Variants in PPP1R1C observed in about 807,000 individuals in gnomAD.
PPP1R1C encodes protein phosphatase 1 regulatory subunit 1C.
Under a neutral mutation model 17.4 loss-of-function variants are expected in PPP1R1C, and 15 were observed. The observed-to-expected ratio is 0.86, with a 90% CI of 0.58 to 1.33. The LOEUF (loss-of-function observed/expected upper bound fraction) is 1.33, where lower values mean the gene tolerates loss of function less well. Ranked by LOEUF, PPP1R1C falls within the 40% of genes most tolerant of loss-of-function variation. The pLI is 0.00. For synonymous variants in PPP1R1C, 35 were observed against 43.1 expected (o/e 0.81, Z 0.73); for missense variants, 143 against 130.0 (o/e 1.10, Z -0.48).
intron 2 of PPP1R1C, among the ~76,000 whole-genome samples, chr2:182,043,651 C>T (rs1025719016): frequency 5.3e-5 from 8 of 150,782 alleles, no homozygotes; most frequent in South Asian, 4.2e-4. Flanking sequence ...AGTATGCTGA[C>T]GTAAGTTGTA....
intron 4 of PPP1R1C, among the ~76,000 whole-genome samples, chr2:182,085,526 A>G (rs1688603976): frequency 6.6e-6 from 1 of 152,124 alleles, no homozygotes; most frequent in Non-Finnish European, 1.5e-5. Context: ...ATGGGTGCCA[A>G]AGATGGTACT....
At chr2:181,988,353 C>T (rs1401413032) in intron 2 of PPP1R1C, among the ~76,000 whole-genome samples, 1 of 152,248 alleles carries the variant, frequency 6.6e-6, no homozygotes, top group Non-Finnish European at 1.5e-5. Context: ...CTGATGACGT[C>T]ATCTCTGAAT....
intron 1 of PPP1R1C, among the ~76,000 whole-genome samples, chr2:181,974,366 T>A (rs573229611): frequency 6.6e-6 from 1 of 152,270 alleles, no homozygotes; most frequent in South Asian, 2.1e-4. Flanking sequence ...AAGGTGCAAA[T>A]GAATTGAACA....
At chr2:182,079,781 T>A (rs547000640) in intron 4 of PPP1R1C, among the ~76,000 whole-genome samples, 49 of 152,288 alleles carry the variant, frequency 3.2e-4, no homozygotes, top group African/African-American at 1.1e-3. Context: ...CTTCCTTGCC[T>A]CTTCCAGTTT....
At chr2:181,979,181 T>G (rs1168055606) in intron 2 of PPP1R1C, among the ~76,000 whole-genome samples, 1 of 152,086 alleles carries the variant, frequency 6.6e-6, no homozygotes, top group Non-Finnish European at 1.5e-5. Context: ...AAGTCTAGAG[T>G]AATTGATTTT....
At chr2:182,088,708 A>C (rs1688700206) in intron 4 of PPP1R1C, among the ~76,000 whole-genome samples, 1 of 152,178 alleles carries the variant, frequency 6.6e-6, no homozygotes, top group Non-Finnish European at 1.5e-5. Flanking sequence ...TATTCCAACT[A>C]CACTGACTAT....
At chr2:182,123,609 A>T (rs1447814970) in intron 5 of PPP1R1C, among the ~76,000 whole-genome samples, 1 of 152,186 alleles carries the variant, frequency 6.6e-6, no homozygotes, top group Non-Finnish European at 1.5e-5. Flanking sequence ...ACCAGTGATG[A>T]TGAGCTTTTT....
intron 2 of PPP1R1C, among the ~76,000 whole-genome samples, chr2:182,027,189 G>T (rs1336660217): frequency 2.2e-4 from 26 of 120,782 alleles, no homozygotes; most frequent in Admixed American, 8.8e-4. Flanking sequence ...TTTCCTAATT[G>T]AATACCCTTT....
intron 1 of PPP1R1C, among the ~76,000 whole-genome samples, chr2:181,964,958 G>A (rs1175218987): frequency 6.6e-6 from 1 of 152,092 alleles, no homozygotes; most frequent in Non-Finnish European, 1.5e-5. Flanking sequence ...CACCCACTTT[G>A]GCCTCCCAAA....
chr2:182,026,597 G>A (rs1039208395), intron 2 of PPP1R1C, among the ~76,000 whole-genome samples: 3 of 151,890 alleles, frequency 2.0e-5, no homozygotes, highest in Admixed American at 1.3e-4. Context: ...GTACCATGCT[G>A]TTTTGGTTAC....
chr2:182,057,657 A>G (rs1687726374), intron 2 of PPP1R1C, among the ~76,000 whole-genome samples: 2 of 152,164 alleles, frequency 1.3e-5, no homozygotes, highest in South Asian at 4.1e-4. Flanking sequence ...TTTTACTTGC[A>G]TCAGCTTTCA....
At chr2:182,097,220 T>G (rs1417151723) in intron 4 of PPP1R1C, among the ~76,000 whole-genome samples, 2 of 152,172 alleles carry the variant, frequency 1.3e-5, no homozygotes, top group Non-Finnish European at 2.9e-5. Context: ...AGGTTTTTCA[T>G]TAGAGTCCTT....
intron 2 of PPP1R1C, among the ~76,000 whole-genome samples, chr2:181,977,454 T>C (rs901334728): frequency 6.6e-6 from 1 of 152,164 alleles, no homozygotes; most frequent in Non-Finnish European, 1.5e-5. Context: ...TTCTACACTT[T>C]TTTCTTATCT....
intron 4 of PPP1R1C, among the ~76,000 whole-genome samples, chr2:182,102,088 T>C (rs1002608926): frequency 1.3e-5 from 2 of 152,230 alleles, no homozygotes; most frequent in African/African-American, 4.8e-5. Flanking sequence ...AATTATGATA[T>C]AATTGAGCTA....
At chr2:182,078,765 G>A (rs1026669790) in intron 4 of PPP1R1C, among the ~76,000 whole-genome samples, 7 of 152,164 alleles carry the variant, frequency 4.6e-5, no homozygotes, top group Non-Finnish European at 8.8e-5. Flanking sequence ...TAACCTCAGA[G>A]AGTCATGTGA....
At chr2:182,120,372 G>GT (rs1157944466), downstream of PPP1R1C, among the ~76,000 whole-genome samples, 5 of 152,052 alleles carry the variant, frequency 3.3e-5, no homozygotes, top group East Asian at 5.8e-4. Context: ...CCAGGAGCTG[G>GT]TTTTTTGAAA....
intron 2 of PPP1R1C, among the ~76,000 whole-genome samples, chr2:182,026,292 T>C (rs1332931954): frequency 0.01 from 1,407 of 134,818 alleles, 10 homozygotes; most frequent in Middle Eastern, 0.022. Context: ...CCCATGCCTA[T>C]GTCCTGAATG....
At chr2:182,094,970 C>T (rs1017140805) in intron 4 of PPP1R1C, among the ~76,000 whole-genome samples, 6 of 152,118 alleles carry the variant, frequency 3.9e-5, no homozygotes, top group Non-Finnish European at 8.8e-5. Context: ...AAAGGTCATT[C>T]GTGGAAGCTC....
Position 182,112,210 on chromosome 2 carries a change from G to A in PPP1R1C, c.242-4997G>A, listed in dbSNP as rs192075334. Among the ~76,000 whole-genome samples, 49 of 152,156 alleles carry A rather than the reference G, an allele frequency of 3.2e-4. No homozygotes were observed. In the East Asian group the frequency reaches 9.5e-3, roughly 29 times the overall value. ...TTATATTTAACACATACTGCTTGAT[G>A]ACTATGTCTCATCTCTACAGACTAG... On this transcript the variant is annotated intron_variant, in intron 4 of 4. Coordinates refer to ENST00000682840, the MANE Select transcript of PPP1R1C (RefSeq NM_001080545.3).
Sources: gnomAD v4.1 joint callset for allele counts (sites outside exome capture counted in the v4.1 genomes callset) on GRCh38, gnomAD v4.1.1 for gene constraint, MANE v1.5 for transcripts, NCBI Gene and HGNC (gene_info 2026-07-23, HGNC 2026-07-21) for gene names.